The following AFF2 variants were observed in gnomAD, a reference collection of about 807,000 sequenced individuals.
The protein encoded by AFF2 is ALF transcription elongation factor 2.
A neutral mutation model predicts 76.9 loss-of-function variants in AFF2; 14 were observed. The observed-to-expected ratio is 0.18, with a 90% CI of 0.12 to 0.28. The LOEUF (loss-of-function observed/expected upper bound fraction) is 0.28. Ranked by LOEUF, AFF2 falls within the 10% of genes least tolerant of loss-of-function variation. AFF2 has a pLI of 1.00. For missense variants in AFF2, 868 were observed against 1,001.1 expected (o/e 0.87, Z 1.79); for synonymous variants, 398 against 366.7 (o/e 1.09, Z -0.98).
chrX:148,835,466 T>C (rs782051689), intron 4 of AFF2, among the ~76,000 whole-genome samples: 1 of 104,166 alleles, frequency 9.6e-6, no homozygotes, highest in Admixed American at 1.1e-4. Flanking sequence ...TTAATTTACA[T>C]ATCCATCACG....
chrX:148,652,075 G>A lies in AFF2; in HGVS notation c.124G>A (p.Asp42Asn), dbSNP rs1557256430. 1.8e-5 allele frequency: 22 copies of A among 1,199,622 alleles called. No individual in the cohort carries two copies. The highest frequency in any genetic ancestry group is 7.9e-6 in the Non-Finnish European group (7 of 886,166). ...RRNQEVQQED[D>N]LFSSGFDLFG... ...GAATCAAGAAGTCCAGCAAGAAGAC[G>A]ATCTCTTTTCTTCAGGCTTTGATCT... The change falls in exon 2 of 21, where the codon GAT becomes AAT. Residue 42 changes from aspartate to asparagine, a missense_variant. Transcript: ENST00000370460.
Position 148,995,592 on chromosome X carries a change from T to C in AFF2, c.*4260T>C, listed in dbSNP as rs984684846. ...TAAAGAATTATTCATAGTGCTCACA[T>C]TGGGTTAGGGGACACTGAACTGCTT... On this transcript the variant is annotated 3_prime_UTR_variant, in exon 21 of 21. Coordinates refer to ENST00000370460, the MANE Select transcript of AFF2 (RefSeq NM_002025.4). 8.9e-6 allele frequency: 1 copy of C among 112,092 alleles called. No homozygotes were observed. Among genetic ancestry groups the C allele is most frequent in the Non-Finnish European group, 1.9e-5 (1 of 53,039 alleles). 9.2% of individuals were successfully genotyped at this position (112,092 alleles called of 1,213,427 possible).
In AFF2 at chrX:148,895,570, A is replaced by AGTGTGT. The variant is rs60601698; in HGVS notation, c.1360-8628_1360-8623dup. 5.6e-4 allele frequency among the ~76,000 whole-genome samples: 53 copies of AGTGTGT among 95,311 alleles called. 1 individual carries two copies. Among genetic ancestry groups the AGTGTGT allele is most frequent in the African/African-American group, 1.9e-3 (49 of 25,188 alleles). The allele number at this position is 95,311 out of a possible 115,157, so 82.8% of individuals were successfully genotyped here. On this transcript the variant is annotated intron_variant, in intron 8 of 20. Coordinates refer to ENST00000370460, the MANE Select transcript of AFF2 (RefSeq NM_002025.4). Reference sequence around the variant, plus strand: ...GAACAGTGTACTCTGTGAGTGAGTGAGTGTGTGTGTGTGTGTGTGTGTGTG... The same window carrying AGTGTGT: ...GAACAGTGTACTCTGTGAGTGAGTGAGTGTGTGTGTGTGTGTGTGTGTGTGTGTGTG...
intron 1 of AFF2, among the ~76,000 whole-genome samples, chrX:148,569,093 A>G (rs2053200396): frequency 1.8e-5 from 2 of 110,427 alleles, no homozygotes; most frequent in South Asian, 7.7e-4. Flanking sequence ...TGGGTAAGTC[A>G]CTTTCCCTCT....
chrX:148,797,990 C>T (rs1353582704), intron 3 of AFF2, among the ~76,000 whole-genome samples: 1 of 112,324 alleles, frequency 8.9e-6, no homozygotes, highest in African/African-American at 3.2e-5. Flanking sequence ...TCTTGTGCTT[C>T]TATAACAGAA....
At chrX:148,643,482 A>G (rs989535693) in intron 1 of AFF2, among the ~76,000 whole-genome samples, 25 of 111,894 alleles carry the variant, frequency 2.2e-4, no homozygotes, top group African/African-American at 7.2e-4. Flanking sequence ...AAACGGGTCA[A>G]TGAGCCATAT....
At position 148,986,651 on chromosome X, in the gene AFF2, T is replaced by C. The variant is rs559292728; in HGVS notation, c.3624-716T>C. On this transcript the variant is annotated intron_variant, in intron 19 of 20. Coordinates refer to ENST00000370460, the MANE Select transcript of AFF2 (RefSeq NM_002025.4). ...TTCCCAGCTTCCCAAATACTGCTCC[T>C]TGGGGGGCTGTAAGAATTGCACTTT... Among the ~76,000 whole-genome samples, 32 of 112,962 alleles carry C rather than the reference T, an allele frequency of 2.8e-4. No individual in the cohort carries two copies. The South Asian group carries it at 2.9e-3, about 10-fold the overall frequency.
chrX:148,843,230 T>A (rs1348704616), intron 6 of AFF2, 152 bp from the exon 7 acceptor site: 1 of 499,431 alleles, frequency 2.0e-6, no homozygotes. Context: ...CCGTGATATA[T>A]CTAACTGGTT....
chrX:148,813,280 C>A (rs1376627685), intron 4 of AFF2, among the ~76,000 whole-genome samples: 2 of 111,805 alleles, frequency 1.8e-5, no homozygotes, highest in Non-Finnish European at 3.8e-5. Flanking sequence ...CAATCACCCT[C>A]TCACAAATCT....
intron 3 of AFF2, among the ~76,000 whole-genome samples, chrX:148,693,885 A>T (rs1173893876): frequency 1.8e-5 from 2 of 111,790 alleles, no homozygotes; most frequent in Non-Finnish European, 3.8e-5. Context: ...TTCAAAGTGA[A>T]AGTAAAAAGC....
In AFF2 at chrX:148,971,115, G is replaced by A. The variant is rs575634173; in HGVS notation, c.3268-2356G>A. ...GTCATGATGATAGAACCTTAAGCCG[G>A]TAACTTCATTGTTTTTTTTTTTTTT... On this transcript the variant is annotated intron_variant, in intron 15 of 20. Coordinates refer to ENST00000370460, the MANE Select transcript of AFF2 (RefSeq NM_002025.4). Among the ~76,000 whole-genome samples the A allele has an allele frequency of 3.3e-4, 35 of 105,841 alleles. No homozygotes were observed. The South Asian group carries it at 0.015, about 45-fold the overall frequency. The allele number at this position is 105,841 out of a possible 115,157, so 91.9% of individuals were successfully genotyped here.
chrX:148,796,825 T>G (rs1189514333), intron 3 of AFF2, among the ~76,000 whole-genome samples: 1 of 112,502 alleles, frequency 8.9e-6, no homozygotes, highest in African/African-American at 3.2e-5. Flanking sequence ...GGCTTGAAAT[T>G]TATTGACTTA....
chrX:148,813,461 A>T (rs2070228455), intron 4 of AFF2, among the ~76,000 whole-genome samples: 1 of 112,575 alleles, frequency 8.9e-6, no homozygotes, highest in South Asian at 3.7e-4. Context: ...ATAATAAAAC[A>T]ATAGCAAATT....
intron 1 of AFF2, among the ~76,000 whole-genome samples, chrX:148,525,302 G>T (rs1438274087): frequency 9.0e-6 from 1 of 111,213 alleles, no homozygotes; most frequent in Non-Finnish European, 1.9e-5. Context: ...CTAAACTCCA[G>T]CCAATGTCAA....
intron 3 of AFF2, among the ~76,000 whole-genome samples, chrX:148,718,587 T>C (rs2055053808): frequency 8.9e-6 from 1 of 112,037 alleles, no homozygotes; most frequent in African/African-American, 3.2e-5. Context: ...ATAACTGCTT[T>C]GAAAAGTACA....
intron 1 of AFF2, among the ~76,000 whole-genome samples, chrX:148,521,885 G>A (rs1200219139): frequency 4.5e-5 from 5 of 111,932 alleles, no homozygotes; most frequent in East Asian, 2.8e-4. Flanking sequence ...CCCTTGTGCC[G>A]TCCAAAAGCA....
intron 1 of AFF2, among the ~76,000 whole-genome samples, chrX:148,581,012 C>CAAACATGTGTATATAT (rs2053351850): frequency 4.4e-5 from 2 of 45,697 alleles, no homozygotes; most frequent in East Asian, 3.4e-3. Context: ...GCACCTCCTA[C>CAAACATGTGTATATAT]ACACAAACAT....
intron 3 of AFF2, among the ~76,000 whole-genome samples, chrX:148,775,336 C>T (rs1437644544): frequency 8.9e-6 from 1 of 111,740 alleles, no homozygotes; most frequent in Non-Finnish European, 1.9e-5. Flanking sequence ...TGCTGGCATG[C>T]ACTTTGCCTT....
intron 1 of AFF2, among the ~76,000 whole-genome samples, chrX:148,578,545 T>C (rs1324107750): frequency 2.7e-5 from 3 of 111,948 alleles, no homozygotes; most frequent in Non-Finnish European, 5.6e-5. Flanking sequence ...TGTATGTTAT[T>C]CATTTTTCTA....
Sources: gnomAD v4.1 joint callset for allele counts (sites outside exome capture counted in the v4.1 genomes callset) on GRCh38, gnomAD v4.1.1 for gene constraint, MANE v1.5 for transcripts, NCBI Gene and HGNC (gene_info 2026-07-23, HGNC 2026-07-21) for gene names.